Variants in ASRGL1 observed in about 807,000 individuals in gnomAD.
The protein encoded by ASRGL1 is isoaspartyl peptidase/L-asparaginase.
Under a neutral mutation model 22.4 loss-of-function variants are expected in ASRGL1, and 16 were observed. That is an observed-to-expected ratio of 0.71 (90% CI 0.48 to 1.08). The LOEUF is 1.08. Among genes scored for constraint, ASRGL1 ranks in the 50% least tolerant of loss-of-function variants. The pLI is 0.00. For synonymous variants in ASRGL1, 165 were observed against 159.3 expected (o/e 1.04, Z -0.27); for missense variants, 412 against 410.1 (o/e 1.00, Z -0.04).
intron 6 of ASRGL1, chr11:62,391,872 G>A (rs1198229681): frequency 1.4e-6 from 1 of 736,670 alleles, no homozygotes; most frequent in Non-Finnish European, 2.2e-6. Flanking sequence ...CATTGAGCCT[G>A]GATGTGGGAG....
intron 2 of ASRGL1, among the ~76,000 whole-genome samples, chr11:62,343,773 C>T (rs1945934552): frequency 6.7e-6 from 1 of 150,282 alleles, no homozygotes; most frequent in Non-Finnish European, 1.5e-5. Flanking sequence ...TCCACATCTT[C>T]ACCAGCACTA....
intron 4 of ASRGL1, among the ~76,000 whole-genome samples, chr11:62,387,059 A>ATTTTTTT (rs55647741): frequency 7.0e-6 from 1 of 143,652 alleles, no homozygotes. Flanking sequence ...CACTTAGCTA[A>ATTTTTTT]TTTTTTTTTT....
intron 2 of ASRGL1, among the ~76,000 whole-genome samples, chr11:62,350,728 G>A (rs777913215): frequency 1.2e-4 from 19 of 152,112 alleles, no homozygotes; most frequent in African/African-American, 3.6e-4. Flanking sequence ...CCCATGAGAC[G>A]TAGGTTGCAG....
At chr11:62,368,973 C>A (rs1050464802) in intron 4 of ASRGL1, among the ~76,000 whole-genome samples, 1 of 152,136 alleles carries the variant, frequency 6.6e-6, no homozygotes, top group Admixed American at 6.5e-5. Flanking sequence ...AGATGCCTTC[C>A]TCTTATTACA....
chr11:62,367,348 A>G (rs898427613), intron 4 of ASRGL1, among the ~76,000 whole-genome samples: 17 of 149,924 alleles, frequency 1.1e-4, no homozygotes, highest in Admixed American at 2.0e-4. Context: ...AAAAAAAAAA[A>G]AGAGAGAGAT....
At chr11:62,343,004 T>C (rs958847058) in intron 2 of ASRGL1, among the ~76,000 whole-genome samples, 2 of 152,222 alleles carry the variant, frequency 1.3e-5, no homozygotes, top group African/African-American at 4.8e-5. Context: ...TATGGGTGTT[T>C]ATGTGAACAT....
chr11:62,367,421 G>A (rs1448625137), intron 4 of ASRGL1, among the ~76,000 whole-genome samples: 2 of 151,886 alleles, frequency 1.3e-5, no homozygotes, highest in South Asian at 2.1e-4. Context: ...TGAGGTGGGT[G>A]GATTACTTGA....
chr11:62,356,008 C>T (rs530356651), intron 2 of ASRGL1, among the ~76,000 whole-genome samples: 72 of 152,334 alleles, frequency 4.7e-4, no homozygotes, highest in Admixed American at 1.4e-3. Context: ...TGAAAAGTCT[C>T]CCATGTCTAC....
At chr11:62,345,112 T>G (rs1318928055) in intron 2 of ASRGL1, among the ~76,000 whole-genome samples, 1 of 152,230 alleles carries the variant, frequency 6.6e-6, no homozygotes, top group East Asian at 1.9e-4. Context: ...TTTATTCATC[T>G]GTTGATGAAC....
At chr11:62,367,891 G>A (rs555683008) in intron 4 of ASRGL1, among the ~76,000 whole-genome samples, 13 of 152,236 alleles carry the variant, frequency 8.5e-5, no homozygotes, top group South Asian at 2.1e-4. Flanking sequence ...GCAGTGAGCC[G>A]AGATCATGCC....
At chr11:62,394,544 T>G (rs1947408076), downstream of ASRGL1, among the ~76,000 whole-genome samples, 1 of 151,252 alleles carries the variant, frequency 6.6e-6, no homozygotes. Context: ...CATGTTGGGG[T>G]TTGGAAAGGG....
intron 2 of ASRGL1, among the ~76,000 whole-genome samples, chr11:62,340,227 G>A (rs574263044): frequency 1.5e-4 from 23 of 152,282 alleles, no homozygotes; most frequent in Non-Finnish European, 3.4e-4. Context: ...CCAAGACTGC[G>A]CCACTGCACT....
chr11:62,381,108 ATAT>A (rs1209378984), intron 4 of ASRGL1, among the ~76,000 whole-genome samples: 1 of 151,986 alleles, frequency 6.6e-6, no homozygotes, highest in Non-Finnish European at 1.5e-5. Flanking sequence ...CTACCGGCTG[ATAT>A]TGTGGATACT....
chr11:62,371,576 G>C lies in ASRGL1; in HGVS notation c.491+14432G>C, dbSNP rs1038574019. 4 of 690,756 alleles carry C rather than the reference G, an allele frequency of 5.8e-6. No individual in the cohort carries two copies. The African/African-American group carries it at 7.1e-5, about 12-fold the overall frequency. 42.8% of individuals were successfully genotyped at this position (690,756 alleles called of 1,614,324 possible). On this transcript the variant is annotated intron_variant, in intron 4 of 6. Transcript: ENST00000415229. ...CCAGGGACACAATACACTGCGGAAG[G>C]CCACAGGGACTTCCTCACAAAGTGC...
intron 4 of ASRGL1, among the ~76,000 whole-genome samples, chr11:62,361,235 A>G (rs555644110): frequency 7.9e-5 from 12 of 152,212 alleles, no homozygotes; most frequent in African/African-American, 2.9e-4. Flanking sequence ...TTTGTCACCC[A>G]GGCTCGAGTG....
At chr11:62,378,684 G>A (rs1590749920) in intron 4 of ASRGL1, among the ~76,000 whole-genome samples, 1 of 152,198 alleles carries the variant, frequency 6.6e-6, no homozygotes, top group Admixed American at 6.5e-5. Flanking sequence ...GCCATCTGCC[G>A]GATTTTTTTT....
chr11:62,338,727 G>T (rs1945789032), intron 2 of ASRGL1, among the ~76,000 whole-genome samples: 1 of 151,852 alleles, frequency 6.6e-6, no homozygotes, highest in Non-Finnish European at 1.5e-5. Context: ...CCTGAGGTCA[G>T]GAGTTCGAGA....
downstream of ASRGL1, among the ~76,000 whole-genome samples, chr11:62,394,285 T>C (rs1361671388): frequency 1.4e-5 from 2 of 143,124 alleles, no homozygotes; most frequent in African/African-American, 5.1e-5. Flanking sequence ...ATATCATATA[T>C]TGTATATATT....
intron 4 of ASRGL1, among the ~76,000 whole-genome samples, chr11:62,374,654 T>A (rs1414057318): frequency 1.3e-5 from 2 of 152,144 alleles, no homozygotes; most frequent in African/African-American, 2.4e-5. Flanking sequence ...TTACCATGAC[T>A]CCTGCCCTTG....
Sources: gnomAD v4.1 joint callset for allele counts (sites outside exome capture counted in the v4.1 genomes callset) on GRCh38, gnomAD v4.1.1 for gene constraint, MANE v1.5 for transcripts, NCBI Gene and HGNC (gene_info 2026-07-23, HGNC 2026-07-21) for gene names.